The following SIPA1L1 variants were observed in gnomAD, a reference collection of about 807,000 sequenced individuals.
SIPA1L1 encodes the protein signal induced proliferation associated 1 like 1, also known as signal-induced proliferation-associated 1-like protein 1.
SIPA1L1 carries 26 observed loss-of-function variants against 162.7 expected under a neutral mutation model. That is an observed-to-expected ratio of 0.16 (90% CI 0.12 to 0.22). The LOEUF (loss-of-function observed/expected upper bound fraction) is 0.22. SIPA1L1 is among the 10% of genes least tolerant of loss of function. The pLI is 1.00. For missense variants in SIPA1L1, 1,874 were observed against 2,241.0 expected, an observed-to-expected ratio of 0.84 and a Z score of 3.31; for synonymous variants, 829 against 837.4, an observed-to-expected ratio of 0.99 and a Z score of 0.17.
In SIPA1L1 at chr14:71,740,504, C is replaced by T. The variant is rs1245011577; in HGVS notation, c.*1343C>T. 2 of 152,200 alleles carry T rather than the reference C, an allele frequency of 1.3e-5. No individual in the cohort carries two copies. Among genetic ancestry groups the T allele is most frequent in the Non-Finnish European group, 2.9e-5 (2 of 68,064 alleles). 9.4% of individuals were successfully genotyped at this position (152,200 alleles called of 1,614,324 possible). A position where few individuals can be genotyped will look rare whatever the true frequency, so the allele number is the denominator to read the frequency against. ...AACTGTCACTAAACCGACCCCTCTG[C>T]CCTTTCAGTGGCAACTCTGGTCTAA... On this transcript the variant is annotated 3_prime_UTR_variant, in exon 24 of 24. Coordinates refer to ENST00000381232, the MANE Select transcript of SIPA1L1 (RefSeq NM_001386936.1).
chr14:71,557,260 T>G (rs1742453777), intron 4 of SIPA1L1, among the ~76,000 whole-genome samples: 1 of 152,246 alleles, frequency 6.6e-6, no homozygotes, highest in Admixed American at 6.5e-5. Flanking sequence ...TACAGATGTT[T>G]AAAAGTTTCA....
At chr14:71,419,480 C>CTCTT (rs2043025033) in intron 2 of SIPA1L1, among the ~76,000 whole-genome samples, 1 of 85,248 alleles carries the variant, frequency 1.2e-5, no homozygotes, top group African/African-American at 4.8e-5. Context: ...GAGGATCTCT[C>CTCTT]TTTTTTTTTT....
intron 2 of SIPA1L1, among the ~76,000 whole-genome samples, chr14:71,497,184 CAAAA>C (rs1399165086): frequency 7.0e-6 from 1 of 143,180 alleles, no homozygotes; most frequent in Non-Finnish European, 1.6e-5. Context: ...AACAAACAAA[CAAAA>C]AAACAAAAAA....
intron 17 of SIPA1L1, among the ~76,000 whole-genome samples, chr14:71,717,522 G>A (rs546048370): frequency 1.3e-5 from 2 of 152,166 alleles, no homozygotes; most frequent in African/African-American, 4.8e-5. Flanking sequence ...CCCTTCTTAC[G>A]TAATTCCTAT....
chr14:71,502,102 T>TTGTA (rs763369168), intron 2 of SIPA1L1, among the ~76,000 whole-genome samples: 137 of 148,860 alleles, frequency 9.2e-4, no homozygotes, highest in Middle Eastern at 3.4e-3. Context: ...GTGTGTCATA[T>TTGTA]TGTAGCCTGG....
chr14:71,521,231 G>A (rs961903407), intron 3 of SIPA1L1, among the ~76,000 whole-genome samples: 2 of 152,186 alleles, frequency 1.3e-5, no homozygotes, highest in South Asian at 2.1e-4. Context: ...CAAGAGAGAA[G>A]CATACGAATT....
intron 2 of SIPA1L1, among the ~76,000 whole-genome samples, chr14:71,438,336 G>T (rs1172672238): frequency 2.0e-5 from 3 of 152,068 alleles, no homozygotes; most frequent in Non-Finnish European, 4.4e-5. Flanking sequence ...CGTCCTTGAT[G>T]AGTGTGTTGG....
chr14:71,481,635 A>G (rs963571371), intron 2 of SIPA1L1, among the ~76,000 whole-genome samples: 1 of 152,262 alleles, frequency 6.6e-6, no homozygotes, highest in African/African-American at 2.4e-5. Context: ...AAACAAATAT[A>G]GTTCAGTGGA....
At chr14:71,637,264 G>GT in intron 7 of SIPA1L1, among the ~76,000 whole-genome samples, 1 of 152,040 alleles carries the variant, frequency 6.6e-6, no homozygotes, top group East Asian at 1.9e-4. Flanking sequence ...AGTATTCATG[G>GT]TTTCGCTTTC....
intron 2 of SIPA1L1, among the ~76,000 whole-genome samples, chr14:71,392,143 T>C (rs2040812954): frequency 6.6e-6 from 1 of 152,186 alleles, no homozygotes; most frequent in South Asian, 2.1e-4. Context: ...GCAGGAAAGC[T>C]ATAAATCCCA....
intron 4 of SIPA1L1, among the ~76,000 whole-genome samples, chr14:71,536,804 A>C (rs969544993): frequency 1.3e-5 from 2 of 152,220 alleles, no homozygotes; most frequent in African/African-American, 2.4e-5. Flanking sequence ...AAATGCTCAA[A>C]TGTTGATTCT....
chr14:71,358,673 C>T (rs1017013979), intron 2 of SIPA1L1, among the ~76,000 whole-genome samples: 1 of 152,108 alleles, frequency 6.6e-6, no homozygotes, highest in Non-Finnish European at 1.5e-5. Context: ...AAATAAATAC[C>T]TGAGACTGGG....
chr14:71,614,774 A>T (rs2038635252), intron 5 of SIPA1L1, among the ~76,000 whole-genome samples: 1 of 152,230 alleles, frequency 6.6e-6, no homozygotes, highest in Non-Finnish European at 1.5e-5. Context: ...GTTACAAAAA[A>T]ATGTAGTCAG....
In SIPA1L1 at chr14:71,635,474, C is replaced by T. The variant is rs556523967; in HGVS notation, c.1818+11238C>T. 5.8e-4 allele frequency among the ~76,000 whole-genome samples: 89 copies of T among 152,250 alleles called. 1 individual carries two copies. Among genetic ancestry groups the T allele is most frequent in the African/African-American group, 2.0e-3 (82 of 41,536 alleles). On this transcript the variant is annotated intron_variant, in intron 7 of 23. Transcript: ENST00000381232. ...TTTAATGTAAGTGTTTTATAAATGG[C>T]AGAGAGTAAAGAGACTAAAGAGAGG...
intron 2 of SIPA1L1, among the ~76,000 whole-genome samples, chr14:71,372,044 G>A (rs1036706117): frequency 3.3e-5 from 5 of 152,144 alleles, no homozygotes; most frequent in Non-Finnish European, 7.4e-5. Context: ...ATTTTATTAA[G>A]AGGTTAGAAA....
rs558203778 is a variant in SIPA1L1 at position 71,716,358 on chromosome 14, A to G, written c.4208+6694A>G. Among the ~76,000 whole-genome samples the G allele has an allele frequency of 6.6e-5, 10 of 152,316 alleles. No homozygotes were observed. The South Asian group carries it at 1.5e-3, about 22-fold the overall frequency. ...CTCCTCTCCTTGGTATTAGACCAGC[A>G]TTCAGCCATTGCCCAGATTTTGCCA... On this transcript the variant is annotated intron_variant, in intron 17 of 23. Coordinates refer to ENST00000381232, the MANE Select transcript of SIPA1L1 (RefSeq NM_001386936.1).
chr14:71,386,916 A>G (rs2040366700), intron 2 of SIPA1L1, among the ~76,000 whole-genome samples: 1 of 152,156 alleles, frequency 6.6e-6, no homozygotes, highest in African/African-American at 2.4e-5. Flanking sequence ...AATCTTCCCT[A>G]TGAACAGTAG....
At chr14:71,558,619 T>C (rs1315162467) in intron 4 of SIPA1L1, among the ~76,000 whole-genome samples, 2 of 152,202 alleles carry the variant, frequency 1.3e-5, no homozygotes, top group African/African-American at 2.4e-5. Flanking sequence ...TTAGGTAGTT[T>C]GCTGATGTAG....
At chr14:71,548,163 G>A (rs2055420857) in intron 4 of SIPA1L1, among the ~76,000 whole-genome samples, 2 of 152,180 alleles carry the variant, frequency 1.3e-5, no homozygotes, top group South Asian at 4.1e-4. Flanking sequence ...TGAAACAAAG[G>A]CATTTAATTT....
Sources: gnomAD v4.1 joint callset for allele counts (sites outside exome capture counted in the v4.1 genomes callset) on GRCh38, gnomAD v4.1.1 for gene constraint, MANE v1.5 for transcripts, NCBI Gene and HGNC (gene_info 2026-07-23, HGNC 2026-07-21) for gene names.